The following DPP10 variants were observed in gnomAD, a reference collection of about 807,000 sequenced individuals.
DPP10 encodes dipeptidyl peptidase like 10.
A neutral mutation model predicts 120.9 loss-of-function variants in DPP10; 33 were observed. The ratio of observed to expected loss-of-function variants is 0.27; its 90% CI spans 0.21 to 0.37. DPP10 has a LOEUF of 0.37. DPP10 is among the 10% of genes least tolerant of loss of function. The pLI is 1.00. For missense variants in DPP10, 816 were observed against 942.8 expected (o/e 0.87, Z 1.76); for synonymous variants, 337 against 326.1 (o/e 1.03, Z -0.36).
At chr2:115,840,319 G>GTTT (rs1310199623) in intron 24 of DPP10, among the ~76,000 whole-genome samples, 14,195 of 79,268 alleles carry the variant, frequency 0.18, 5,745 homozygotes, top group East Asian at 0.37. Context: ...AGGTTTTTTG[G>GTTT]TTTTTTTTTT....
At chr2:115,065,788 C>A (rs1255604572) in intron 1 of DPP10, among the ~76,000 whole-genome samples, 3 of 152,064 alleles carry the variant, frequency 2.0e-5, no homozygotes, top group Admixed American at 2.0e-4. Context: ...CCCTTTGATA[C>A]AATCTCCAGT....
At chr2:115,284,226 G>T (rs1175881116) in intron 1 of DPP10, among the ~76,000 whole-genome samples, 1 of 151,954 alleles carries the variant, frequency 6.6e-6, no homozygotes, top group Non-Finnish European at 1.5e-5. Flanking sequence ...TTGCCTGTTA[G>T]TGATATACCC....
chr2:114,566,140 C>G (rs985815403), intron 1 of DPP10, among the ~76,000 whole-genome samples: 6 of 152,052 alleles, frequency 3.9e-5, no homozygotes, highest in Admixed American at 2.0e-4. Flanking sequence ...TTATCAGAAG[C>G]GTTTTTTCCT....
At chr2:114,777,014 AG>A (rs1395489650) in intron 1 of DPP10, among the ~76,000 whole-genome samples, 1 of 152,170 alleles carries the variant, frequency 6.6e-6, no homozygotes, top group Non-Finnish European at 1.5e-5. Context: ...TAAACCATGT[AG>A]TACATAACTA....
In DPP10 at chr2:114,456,686, A is replaced by C. The variant is rs188273519; in HGVS notation, c.60+13848A>C. On this transcript the variant is annotated intron_variant, in intron 1 of 25. Coordinates refer to ENST00000410059, the MANE Select transcript of DPP10 (RefSeq NM_020868.6). ...AATTGCAACACATTTTGGAAAGGCA[A>C]CTGCTTAAGAGAGTGGTTGTGATTA... 1.4e-3 allele frequency among the ~76,000 whole-genome samples: 214 copies of C among 152,326 alleles called. 2 individuals carry two copies. Among genetic ancestry groups the C allele is most frequent in the Non-Finnish European group, 1.2e-4 (8 of 68,032 alleles).
intron 1 of DPP10, among the ~76,000 whole-genome samples, chr2:115,257,670 T>TG (rs538908836): frequency 1.3e-3 from 200 of 152,326 alleles, no homozygotes; most frequent in African/African-American, 4.7e-3. Flanking sequence ...TCACTCAGTA[T>TG]GGCATTTCAT....
intron 1 of DPP10, among the ~76,000 whole-genome samples, chr2:114,730,894 T>C (rs74690347): frequency 2.7e-5 from 4 of 147,606 alleles, no homozygotes; most frequent in Admixed American, 6.7e-5. Context: ...CTGGTCCAGC[T>C]TTTTTTTTTC....
intron 1 of DPP10, among the ~76,000 whole-genome samples, chr2:115,301,242 G>C (rs1431981206): frequency 6.6e-6 from 1 of 151,854 alleles, no homozygotes; most frequent in East Asian, 1.9e-4. Context: ...CCCAGTTTCT[G>C]CATGTCAGCA....
chr2:114,867,585 T>A (rs1690342080), intron 1 of DPP10, among the ~76,000 whole-genome samples: 1 of 152,218 alleles, frequency 6.6e-6, no homozygotes, highest in South Asian at 2.1e-4. Flanking sequence ...GTATTGCAAT[T>A]ACGAGCCTTG....
intron 1 of DPP10, among the ~76,000 whole-genome samples, chr2:114,715,678 T>C (rs1701301021): frequency 6.6e-6 from 1 of 152,102 alleles, no homozygotes; most frequent in Admixed American, 6.6e-5. Flanking sequence ...GAATTTTTAG[T>C]TAATTTAAGA....
chr2:114,570,020 T>C (rs1437533339), intron 1 of DPP10, among the ~76,000 whole-genome samples: 1 of 152,132 alleles, frequency 6.6e-6, no homozygotes, highest in Non-Finnish European at 1.5e-5. Context: ...GTAAAACTAG[T>C]CTCTGTGTTT....
chr2:115,055,853 C>T lies in DPP10; in HGVS notation c.61-253386C>T, dbSNP rs1293246794. On this transcript the variant is annotated intron_variant, in intron 1 of 25. Transcript: ENST00000410059. ...AAATATTTGCTATCATTTAGAGTTT[C>T]CTGTCATATAAAAAATGTAGAGTTT... Among the ~76,000 whole-genome samples the T allele has an allele frequency of 7.2e-5, 11 of 151,996 alleles. No homozygotes were observed. In the East Asian group the frequency reaches 2.1e-3, roughly 29 times the overall value.
intron 3 of DPP10, among the ~76,000 whole-genome samples, chr2:115,491,543 G>A (rs2076123357): frequency 6.6e-6 from 1 of 152,042 alleles, no homozygotes; most frequent in Admixed American, 6.6e-5. Flanking sequence ...GAATGTCTCT[G>A]GGAGGAGAGG....
At chr2:114,552,036 T>C (rs1206761103) in intron 1 of DPP10, among the ~76,000 whole-genome samples, 1 of 152,186 alleles carries the variant, frequency 6.6e-6, no homozygotes, top group Non-Finnish European at 1.5e-5. Context: ...GCCTTGTGTA[T>C]GTCATAGATT....
At position 114,824,244 on chromosome 2, in the gene DPP10, C is replaced by T. The variant is rs1024091880; in HGVS notation, c.60+381406C>T. 3.9e-5 allele frequency among the ~76,000 whole-genome samples: 6 copies of T among 152,270 alleles called. No homozygotes were observed. The Middle Eastern group carries it at 0.014, about 345-fold the overall frequency. ...AAATGAAAGAAATATCGTCATTTCT[C>T]ATTTTGGTGTAGAGATGCTAATTCT... On this transcript the variant is annotated intron_variant, in intron 1 of 25. Coordinates refer to ENST00000410059, the MANE Select transcript of DPP10 (RefSeq NM_020868.6).
intron 5 of DPP10, among the ~76,000 whole-genome samples, chr2:115,558,681 T>TA (rs892882201): frequency 7.3e-5 from 11 of 151,260 alleles, no homozygotes; most frequent in East Asian, 3.9e-4. Context: ...GTTTTCATAC[T>TA]AAAAAAAAAT....
At chr2:115,300,112 C>G (rs1475006589) in intron 1 of DPP10, among the ~76,000 whole-genome samples, 3 of 151,934 alleles carry the variant, frequency 2.0e-5, no homozygotes, top group African/African-American at 7.2e-5. Flanking sequence ...TAGTACTGTT[C>G]ATTGACATTA....
intron 1 of DPP10, among the ~76,000 whole-genome samples, chr2:114,447,981 G>A (rs1338612870): frequency 6.6e-6 from 1 of 152,140 alleles, no homozygotes; most frequent in African/African-American, 2.4e-5. Flanking sequence ...AGGACCATCT[G>A]CTAATGACAA....
intron 5 of DPP10, among the ~76,000 whole-genome samples, chr2:115,554,382 C>A (rs1437148204): frequency 1.3e-5 from 2 of 151,696 alleles, no homozygotes; most frequent in Non-Finnish European, 2.9e-5. Flanking sequence ...TCTGAGGACA[C>A]CAGCAGCAAT....
Sources: allele counts gnomAD v4.1 joint callset (sites outside exome capture counted in the v4.1 genomes callset), GRCh38; gene constraint gnomAD v4.1.1; transcripts MANE v1.5; gene names NCBI Gene and HGNC (gene_info 2026-07-23, HGNC 2026-07-21).